The following CYP7B1 variants were observed in gnomAD, a reference collection of about 807,000 sequenced individuals.
CYP7B1 encodes cytochrome P450 7B1.
In CYP7B1, 29 loss-of-function variants were observed where a neutral mutation model predicts 42.7. That is an observed-to-expected ratio of 0.68 (90% CI 0.51 to 0.93). The LOEUF (loss-of-function observed/expected upper bound fraction) is 0.93, where lower values mean the gene tolerates loss of function less well. CYP7B1 is among the 40% of genes least tolerant of loss of function. The probability of loss-of-function intolerance (pLI) is 0.00; values close to 1 mark genes in which losing one functional copy is unlikely to be tolerated. For synonymous variants in CYP7B1, 235 were observed against 218.2 expected, an observed-to-expected ratio of 1.08 and a Z score of -0.68; for missense variants, 655 against 600.5, an observed-to-expected ratio of 1.09 and a Z score of -0.95.
At chr8:64,758,103 G>A (rs1012915923) in intron 1 of CYP7B1, among the ~76,000 whole-genome samples, 1 of 152,110 alleles carries the variant, frequency 6.6e-6, no homozygotes, top group African/African-American at 2.4e-5. Context: ...TGCTTTCAGG[G>A]GAATGCAGGC....
intron 1 of CYP7B1, among the ~76,000 whole-genome samples, chr8:64,763,596 C>T (rs6472152): frequency 0.96 from 146,973 of 152,328 alleles, 71,008 homozygotes; most frequent in African/African-American, 0.99. Context: ...ACAATTAGCA[C>T]GGCTGCCGGA....
In CYP7B1 at chr8:64,767,869, G is replaced by A. The variant is rs536850503; in HGVS notation, c.122+30597C>T. 2.0e-5 allele frequency among the ~76,000 whole-genome samples: 3 copies of A among 152,262 alleles called. No homozygotes were observed. The East Asian group carries it at 5.8e-4, about 29-fold the overall frequency. Reference sequence around the variant, plus strand: ...AGATCTACCGCAGACCCCTGGACCAGCCTGCTAGCCCATGCTCCAATGTTA... The same window carrying A: ...AGATCTACCGCAGACCCCTGGACCAACCTGCTAGCCCATGCTCCAATGTTA... On this transcript the variant is annotated intron_variant, in intron 1 of 5. Transcript: ENST00000310193.
chr8:64,778,840 A>T (rs1017003820), intron 1 of CYP7B1, among the ~76,000 whole-genome samples: 2 of 152,104 alleles, frequency 1.3e-5, no homozygotes, highest in African/African-American at 2.4e-5. Context: ...CAGTCTAGGC[A>T]CACAGTAGAC....
In CYP7B1 at chr8:64,592,513, A is replaced by C. The variant is rs1420563650; in HGVS notation, c.*4129T>G. ...AGTATGTTCTTGAAGGGGAAGGGGA[A>C]TCCAGTGTCTAGCATCAATCATATC... On this transcript the variant is annotated 3_prime_UTR_variant, in exon 6 of 6. Transcript: ENST00000310193. 6.6e-6 allele frequency among the ~76,000 whole-genome samples: 1 copy of C among 152,220 alleles called. No individual in the cohort carries two copies. The highest frequency in any genetic ancestry group is 1.5e-5 in the Non-Finnish European group (1 of 68,026).
At chr8:64,590,321 G>C (rs1269956168), downstream of CYP7B1, among the ~76,000 whole-genome samples, 1 of 152,020 alleles carries the variant, frequency 6.6e-6, no homozygotes, top group South Asian at 2.1e-4. Context: ...CTGTACGTAG[G>C]GTTACTAAAA....
chr8:64,782,969 C>T (rs1348770763), intron 1 of CYP7B1, among the ~76,000 whole-genome samples: 2 of 152,098 alleles, frequency 1.3e-5, no homozygotes, highest in Non-Finnish European at 2.9e-5. Flanking sequence ...ACAATCTAAC[C>T]TCTGGGCTTT....
At position 64,614,961 on chromosome 8, in the gene CYP7B1, T is replaced by C. The variant is rs568659813; in HGVS notation, c.1057+65A>G. 5.7e-5 allele frequency: 86 copies of C among 1,510,956 alleles called. No individual in the cohort carries two copies. The African/African-American group carries it at 1.2e-3, about 20-fold the overall frequency. The allele number at this position is 1,510,956 out of a possible 1,614,324, so 93.6% of individuals were successfully genotyped here. On this transcript the variant is annotated intron_variant, in intron 4 of 5. Transcript: ENST00000310193. ...TCCTCTACCTCTTGGTAAACAGCTA[T>C]GAGTGATAAACCGAGTTTGCAGAGA...
intron 1 of CYP7B1, among the ~76,000 whole-genome samples, chr8:64,742,156 T>C (rs1807579084): frequency 6.6e-6 from 1 of 152,096 alleles, no homozygotes; most frequent in Non-Finnish European, 1.5e-5. Context: ...ACCACAGAAA[T>C]TATGATCTGT....
intron 1 of CYP7B1, among the ~76,000 whole-genome samples, chr8:64,714,661 T>A (rs1275867903): frequency 6.6e-6 from 1 of 152,146 alleles, no homozygotes; most frequent in Non-Finnish European, 1.5e-5. Context: ...CAATCCTCAG[T>A]GATGGACAGG....
At position 64,593,977 on chromosome 8, in the gene CYP7B1, T is replaced by C. The variant is rs1384471673; in HGVS notation, c.*2665A>G. 1.3e-5 allele frequency among the ~76,000 whole-genome samples: 2 copies of C among 152,212 alleles called. No homozygotes were observed. The highest frequency in any genetic ancestry group is 2.9e-5 in the Non-Finnish European group (2 of 68,030). The stretch of plus-strand genomic sequence containing the variant: ...ACCTGAAGGTTAACAAGCTGGAGAC[T>C]GACACTCTGACTCAAAATCAACCTT... On this transcript the variant is annotated 3_prime_UTR_variant, in exon 6 of 6. Coordinates refer to ENST00000310193, the MANE Select transcript of CYP7B1 (RefSeq NM_004820.5).
At chr8:64,638,817 T>A (rs1393650771) in intron 1 of CYP7B1, among the ~76,000 whole-genome samples, 1 of 151,920 alleles carries the variant, frequency 6.6e-6, no homozygotes, top group Non-Finnish European at 1.5e-5. Context: ...AATATGCTAC[T>A]TTTGTGTATG....
intron 1 of CYP7B1, among the ~76,000 whole-genome samples, chr8:64,657,683 A>C (rs1217996931): frequency 6.6e-6 from 1 of 152,238 alleles, no homozygotes; most frequent in African/African-American, 2.4e-5. Flanking sequence ...GACATTATAG[A>C]ATGGAGATAA....
Position 64,722,753 on chromosome 8 carries a change from G to A in CYP7B1, c.122+75713C>T, listed in dbSNP as rs1328448068. ...AATGATTTTTTGCGGCGGGGGGGGG[G>A]GGGCGGGAGGTTTTTTTTTATTATT... On this transcript the variant is annotated intron_variant, in intron 1 of 5. Transcript: ENST00000310193. Among the ~76,000 whole-genome samples the A allele has an allele frequency of 2.1e-5, 2 of 95,318 alleles. 1 individual carries two copies. The highest frequency in any genetic ancestry group is 2.7e-4 in the Admixed American group (2 of 7,334). 62.5% of individuals were successfully genotyped at this position (95,318 alleles called of 152,430 possible).
intron 1 of CYP7B1, among the ~76,000 whole-genome samples, chr8:64,637,872 G>A (rs2129630898): frequency 6.6e-6 from 1 of 152,098 alleles, no homozygotes; most frequent in African/African-American, 2.4e-5. Flanking sequence ...TCTCAATATG[G>A]TCAGACATAT....
Position 64,798,721 on chromosome 8 carries a change from G to A in CYP7B1, c.-134C>T. On this transcript the variant is annotated 5_prime_UTR_variant, in exon 1 of 6. Transcript: ENST00000310193. ...GGCCGGAGAGGCTGGCCTGCCCGCA[G>A]CGCAGACAGGAATGTCACCGTGGTC... 1.0e-6 allele frequency: 1 copy of A among 988,584 alleles called. No homozygotes were observed. The highest frequency in any genetic ancestry group is 3.3e-5 in the East Asian group (1 of 29,928). The allele number at this position is 988,584 out of a possible 1,614,324, so 61.2% of individuals were successfully genotyped here. A position where few individuals can be genotyped will look rare whatever the true frequency, so the allele number is the denominator to read the frequency against.
At chr8:64,744,870 T>C (rs775183787) in intron 1 of CYP7B1, among the ~76,000 whole-genome samples, 2 of 152,216 alleles carry the variant, frequency 1.3e-5, no homozygotes, top group African/African-American at 2.4e-5. Context: ...ATAACCCATT[T>C]AAACCACATT....
At chr8:64,790,666 C>T (rs933565354) in intron 1 of CYP7B1, among the ~76,000 whole-genome samples, 31 of 152,192 alleles carry the variant, frequency 2.0e-4, no homozygotes, top group African/African-American at 7.5e-4. Context: ...CTAACCATCA[C>T]TCCTATTCCT....
intron 1 of CYP7B1, among the ~76,000 whole-genome samples, chr8:64,776,803 C>G (rs1804333356): frequency 6.6e-6 from 1 of 152,202 alleles, no homozygotes; most frequent in Middle Eastern, 3.4e-3. Flanking sequence ...GATACCCTCC[C>G]TACACCCAGA....
chr8:64,781,901 A>T (rs1804430267), intron 1 of CYP7B1, among the ~76,000 whole-genome samples: 1 of 152,158 alleles, frequency 6.6e-6, no homozygotes, highest in African/African-American at 2.4e-5. Context: ...ATCTTTTATT[A>T]TTTTAGTCTT....
Sources: gnomAD v4.1 joint callset for allele counts (sites outside exome capture counted in the v4.1 genomes callset) on GRCh38, gnomAD v4.1.1 for gene constraint, MANE v1.5 for transcripts, NCBI Gene and HGNC (gene_info 2026-07-23, HGNC 2026-07-21) for gene names.